Variants in SCHIP1 observed in about 807,000 individuals in gnomAD.
The protein encoded by SCHIP1 is schwannomin-interacting protein 1.
SCHIP1 carries 8 observed loss-of-function variants against 29.7 expected under a neutral mutation model. That is an observed-to-expected ratio of 0.27 (90% confidence interval 0.16 to 0.49). The LOEUF (loss-of-function observed/expected upper bound fraction) is 0.49, where lower values mean the gene tolerates loss of function less well. SCHIP1 is among the 20% of genes least tolerant of loss of function. The probability of loss-of-function intolerance (pLI) is 0.99; values close to 1 mark genes in which losing one functional copy is unlikely to be tolerated. For missense variants in SCHIP1, 193 were observed against 294.6 expected (o/e 0.66, Z 2.52); for synonymous variants, 76 against 94.9 (o/e 0.80, Z 1.16).
chr3:159,502,469 T>G, the SCHIP1 span, among the ~76,000 whole-genome samples: 1 of 147,068 alleles, frequency 6.8e-6, no homozygotes, highest in African/African-American at 2.5e-5. Flanking sequence ...CAAAATCAGC[T>G]TCATTTCTTT....
At chr3:159,860,137 C>A (rs1160024606) in intron 1 of SCHIP1, among the ~76,000 whole-genome samples, 1 of 152,144 alleles carries the variant, frequency 6.6e-6, no homozygotes, top group Admixed American at 6.5e-5. Context: ...CCAGTGTATT[C>A]ATTAGCTTCT....
chr3:159,800,005 A>C, the SCHIP1 span, among the ~76,000 whole-genome samples: 1 of 152,182 alleles, frequency 6.6e-6, no homozygotes, highest in African/African-American at 2.4e-5. Flanking sequence ...TGGAGGACTG[A>C]TCTTGGAAGG....
chr3:159,664,665 G>A, the SCHIP1 span, among the ~76,000 whole-genome samples: 812 of 152,316 alleles, frequency 5.3e-3, 7 homozygotes, highest in Non-Finnish European at 7.1e-3. Flanking sequence ...CAAAAGGAAG[G>A]TGTGTTCAGA....
chr3:159,479,251 A>G, the SCHIP1 span, among the ~76,000 whole-genome samples: 1 of 152,244 alleles, frequency 6.6e-6, no homozygotes, highest in East Asian at 1.9e-4. Flanking sequence ...TATGCTTTTT[A>G]TATGTTTCTG....
At chr3:159,378,475 T>C in the SCHIP1 span, among the ~76,000 whole-genome samples, 6 of 152,244 alleles carry the variant, frequency 3.9e-5, no homozygotes, top group Non-Finnish European at 8.8e-5. Context: ...TCAGAATATT[T>C]GGGATCTGTT....
intron 6 of SCHIP1, chr3:159,893,745 G>C (rs1717781449): frequency 6.6e-6 from 1 of 152,118 alleles, no homozygotes; most frequent in Non-Finnish European, 1.5e-5. Context: ...AAAAGGAGAG[G>C]AGTCACTAAT....
At chr3:159,302,008 AT>A in the SCHIP1 span, among the ~76,000 whole-genome samples, 3 of 152,080 alleles carry the variant, frequency 2.0e-5, no homozygotes, top group African/African-American at 7.2e-5. Flanking sequence ...AGTAGTTTTC[AT>A]TTTCATTTGT....
At chr3:159,363,761 T>A in the SCHIP1 span, among the ~76,000 whole-genome samples, 1 of 152,234 alleles carries the variant, frequency 6.6e-6, no homozygotes, top group Non-Finnish European at 1.5e-5. Flanking sequence ...TTTGGGATTG[T>A]AACTGACATT....
the SCHIP1 span, among the ~76,000 whole-genome samples, chr3:159,816,457 A>G: frequency 6.7e-6 from 1 of 149,218 alleles, no homozygotes; most frequent in Non-Finnish European, 1.5e-5. Context: ...TAATTTTCAT[A>G]GAGATGGGGG....
chr3:159,765,139 G>C, the SCHIP1 span: 8 of 1,556,626 alleles, frequency 5.1e-6, no homozygotes, highest in Admixed American at 5.8e-5. Flanking sequence ...CTCCACCTCC[G>C]TAAGTTGGCC....
chr3:159,578,333 T>C, the SCHIP1 span, among the ~76,000 whole-genome samples: 1 of 152,210 alleles, frequency 6.6e-6, no homozygotes, highest in African/African-American at 2.4e-5. Flanking sequence ...AAGAAAAATA[T>C]ATAAAATAAG....
At chr3:159,691,951 G>A in the SCHIP1 span, among the ~76,000 whole-genome samples, 6 of 151,036 alleles carry the variant, frequency 4.0e-5, no homozygotes, top group East Asian at 1.9e-4. Flanking sequence ...GGCTTGTAGG[G>A]TTTCTGCAGA....
the SCHIP1 span, among the ~76,000 whole-genome samples, chr3:159,371,303 T>C: frequency 6.6e-6 from 1 of 152,140 alleles, no homozygotes. Context: ...TCACAGACTG[T>C]TGGTGTAAGC....
chr3:159,320,175 A>G, the SCHIP1 span, among the ~76,000 whole-genome samples: 3 of 152,246 alleles, frequency 2.0e-5, no homozygotes, highest in East Asian at 1.9e-4. Context: ...TTTACATTAT[A>G]AACAACTGTT....
At chr3:159,727,646 A>C in the SCHIP1 span, among the ~76,000 whole-genome samples, 4 of 152,224 alleles carry the variant, frequency 2.6e-5, no homozygotes, top group African/African-American at 9.6e-5. Context: ...AGTTTCCTGG[A>C]GGAAGTGATT....
chr3:159,575,950 C>A, the SCHIP1 span, among the ~76,000 whole-genome samples: 2 of 152,100 alleles, frequency 1.3e-5, no homozygotes, highest in Non-Finnish European at 2.9e-5. Flanking sequence ...ATTCTAATTA[C>A]TCTGTTCATT....
At chr3:159,728,708 A>T in the SCHIP1 span, among the ~76,000 whole-genome samples, 1 of 152,224 alleles carries the variant, frequency 6.6e-6, no homozygotes, top group Non-Finnish European at 1.5e-5. Flanking sequence ...GCAGCAGGGT[A>T]GAGAGAACAA....
At chr3:159,720,465 G>A in the SCHIP1 span, among the ~76,000 whole-genome samples, 1 of 152,064 alleles carries the variant, frequency 6.6e-6, no homozygotes, top group Non-Finnish European at 1.5e-5. Flanking sequence ...ATTAGAAGGA[G>A]CTATAATTTA....
chr3:159,632,111 T>G, the SCHIP1 span, among the ~76,000 whole-genome samples: 1 of 152,172 alleles, frequency 6.6e-6, no homozygotes, highest in Non-Finnish European at 1.5e-5. Flanking sequence ...TCATCTAGAT[T>G]GTACTAGGGC....
Sources: gnomAD v4.1 joint callset for allele counts (sites outside exome capture counted in the v4.1 genomes callset) on GRCh38, gnomAD v4.1.1 for gene constraint, MANE v1.5 for transcripts, NCBI Gene and HGNC (gene_info 2026-07-23, HGNC 2026-07-21) for gene names.